The following KCNMA1 variants were observed in gnomAD, a reference collection of about 807,000 sequenced individuals.
KCNMA1 encodes potassium calcium-activated channel subfamily M alpha 1, also known as Calcium-activated potassium channel subunit alpha-1.
A neutral mutation model predicts 140.0 loss-of-function variants in KCNMA1; 29 were observed. That is an observed-to-expected ratio of 0.21 (90% CI 0.15 to 0.28). KCNMA1 has a LOEUF of 0.28. KCNMA1 is among the 10% of genes least tolerant of loss of function. KCNMA1 has a pLI of 1.00. For missense variants in KCNMA1, 880 were observed against 1,602.2 expected, an observed-to-expected ratio of 0.55 and a Z score of 7.70; for synonymous variants, 612 against 611.9, an observed-to-expected ratio of 1.00 and a Z score of 0.00.
intron 1 of KCNMA1, among the ~76,000 whole-genome samples, chr10:77,492,721 T>C (rs1407655451): frequency 6.6e-6 from 1 of 152,204 alleles, no homozygotes; most frequent in Non-Finnish European, 1.5e-5. Context: ...CCTGAGTTCC[T>C]GTAAAGATTA....
At chr10:77,337,552 G>T (rs910052676) in intron 2 of KCNMA1, among the ~76,000 whole-genome samples, 4 of 152,204 alleles carry the variant, frequency 2.6e-5, no homozygotes, top group African/African-American at 9.6e-5. Flanking sequence ...CCCGAGAGGC[G>T]GAGGTTGTAG....
Position 77,445,381 on chromosome 10 carries a change from C to A in KCNMA1, c.379-41358G>T, listed in dbSNP as rs568959644. Reference sequence around the variant, plus strand: ...ACATACACAGACACACACACACACACACACACACACACACATATGAAAAAT... The same window carrying A: ...ACATACACAGACACACACACACACAAACACACACACACACATATGAAAAAT... On this transcript the variant is annotated intron_variant, in intron 1 of 27. Coordinates refer to ENST00000286628, the MANE Select transcript of KCNMA1 (RefSeq NM_001161352.2). Among the ~76,000 whole-genome samples the A allele has an allele frequency of 1.4e-4, 21 of 149,224 alleles. No homozygotes were observed. In the East Asian group the frequency reaches 4.1e-3, roughly 29 times the overall value.
At chr10:77,603,466 A>AG (rs1176844069) in intron 1 of KCNMA1, among the ~76,000 whole-genome samples, 1 of 152,226 alleles carries the variant, frequency 6.6e-6, no homozygotes, top group Non-Finnish European at 1.5e-5. Flanking sequence ...ACAGGGAGAC[A>AG]GGTTCTGTGT....
chr10:77,046,760 G>T (rs1296132008), intron 14 of KCNMA1, among the ~76,000 whole-genome samples: 2 of 152,106 alleles, frequency 1.3e-5, no homozygotes, highest in Non-Finnish European at 2.9e-5. Context: ...TCGTTCTTCA[G>T]TATAATTGCA....
rs910357450 is a variant in KCNMA1, at chr10:76,887,118, C to T, written c.*148G>A. ...ATGGTGGTGAAATAAAAATGACAAC[C>T]ACATGCACACTATCATACATATGCA... On this transcript the variant is annotated 3_prime_UTR_variant, in exon 28 of 28. Transcript: ENST00000286628. 3.8e-6 allele frequency: 6 copies of T among 1,587,430 alleles called. No individual in the cohort carries two copies. The highest frequency in any genetic ancestry group is 5.1e-6 in the Non-Finnish European group (6 of 1,170,558).
rs144436118 is a variant in KCNMA1 at position 77,249,124 on chromosome 10, A to G, written c.602+2071T>C. On this transcript the variant is annotated intron_variant, in intron 3 of 27. Coordinates refer to ENST00000286628, the MANE Select transcript of KCNMA1 (RefSeq NM_001161352.2). ...GCAGAATGGGAATAGCCTTGTTTCT[A>G]ACCTTATGGGCATTTTTGCCAGGAA... is the stretch of plus-strand genomic sequence containing the variant. 7.2e-3 allele frequency among the ~76,000 whole-genome samples: 1,097 copies of G among 152,330 alleles called. 6 individuals are homozygous for G. Among genetic ancestry groups the G allele is most frequent in the Non-Finnish European group, 0.012 (810 of 68,024 alleles).
intron 3 of KCNMA1, among the ~76,000 whole-genome samples, chr10:77,215,849 A>G (rs903646937): frequency 6.6e-6 from 1 of 151,656 alleles, no homozygotes; most frequent in Non-Finnish European, 1.5e-5. Flanking sequence ...GATACCAGTG[A>G]GCAGTGAGCT....
At chr10:77,637,035 C>T in intron 1 of KCNMA1, 2 of 1,407,194 alleles carry the variant, frequency 1.4e-6, no homozygotes, top group African/African-American at 1.5e-5. Context: ...CAGGATTGAG[C>T]GTCCGCGTCC....
intron 22 of KCNMA1, among the ~76,000 whole-genome samples, chr10:76,945,713 T>G (rs537059052): frequency 6.6e-6 from 1 of 151,940 alleles, no homozygotes; most frequent in East Asian, 1.9e-4. Context: ...GAGCTGGCTC[T>G]CCATGCAGGC....
intron 20 of KCNMA1, among the ~76,000 whole-genome samples, chr10:76,964,798 C>T (rs1163315582): frequency 6.6e-6 from 1 of 152,188 alleles, no homozygotes; most frequent in African/African-American, 2.4e-5. Context: ...GTTTATTTCA[C>T]TTAATGACCA....
chr10:77,524,491 C>T (rs1036559656), intron 1 of KCNMA1, among the ~76,000 whole-genome samples: 67 of 152,202 alleles, frequency 4.4e-4, no homozygotes, highest in Admixed American at 5.2e-4. Context: ...ATATTCCCTT[C>T]TCCTCTGGGA....
intron 5 of KCNMA1, among the ~76,000 whole-genome samples, chr10:77,152,998 C>T (rs183945488): frequency 6.6e-6 from 1 of 152,280 alleles, no homozygotes; most frequent in East Asian, 1.9e-4. Context: ...TGGAGCCATG[C>T]ATCAGGTAGA....
At chr10:77,262,546 G>C (rs1381669725) in intron 2 of KCNMA1, among the ~76,000 whole-genome samples, 1 of 150,918 alleles carries the variant, frequency 6.6e-6, no homozygotes, top group Non-Finnish European at 1.5e-5. Flanking sequence ...ATGACCCCCA[G>C]TGTTGGAGGT....
intron 2 of KCNMA1, among the ~76,000 whole-genome samples, chr10:77,295,410 T>C (rs949825231): frequency 1.3e-5 from 2 of 151,796 alleles, no homozygotes; most frequent in African/African-American, 2.4e-5. Context: ...AAATTATACA[T>C]AGACACGCAT....
At chr10:76,931,902 C>A (rs555694734) in intron 23 of KCNMA1, among the ~76,000 whole-genome samples, 1 of 152,296 alleles carries the variant, frequency 6.6e-6, no homozygotes, top group Non-Finnish European at 1.5e-5. Flanking sequence ...ACAAACAGAT[C>A]AACAGTAATT....
Position 77,121,058 on chromosome 10 carries a change from A to C in KCNMA1, c.809-10T>G. ...CTTAAAAATCTCAAACCTGGAAAAAAGAATGAAATAGAGATGCATTATTTT... is the reference window on the plus strand; with the variant it reads ...CTTAAAAATCTCAAACCTGGAAAAACGAATGAAATAGAGATGCATTATTTT... On this transcript the variant is annotated splice_polypyrimidine_tract_variant and intron_variant, in intron 5 of 27. Transcript: ENST00000286628. 6.7e-7 allele frequency: 1 copy of C among 1,495,930 alleles called. No individual in the cohort carries two copies. 92.7% of individuals were successfully genotyped at this position (1,495,930 alleles called of 1,614,324 possible). A position where few individuals can be genotyped will look rare whatever the true frequency, so the allele number is the denominator to read the frequency against.
At chr10:77,584,763 G>A (rs750162241) in intron 1 of KCNMA1, among the ~76,000 whole-genome samples, 36 of 152,296 alleles carry the variant, frequency 2.4e-4, no homozygotes, top group Non-Finnish European at 4.1e-4. Flanking sequence ...AGTGAGCTGG[G>A]AGAAGGCCTG....
intron 1 of KCNMA1, among the ~76,000 whole-genome samples, chr10:77,502,252 T>C (rs922925524): frequency 2.6e-5 from 4 of 152,352 alleles, no homozygotes; most frequent in African/African-American, 9.6e-5. Flanking sequence ...CAGAAATGCC[T>C]TTTCTTCATA....
At chr10:77,081,702 T>C (rs573468443) in intron 12 of KCNMA1, among the ~76,000 whole-genome samples, 1 of 152,290 alleles carries the variant, frequency 6.6e-6, no homozygotes, top group African/African-American at 2.4e-5. Flanking sequence ...TGAAAAAGTG[T>C]TGCGTTGGCC....
Sources: allele counts gnomAD v4.1 joint callset (sites outside exome capture counted in the v4.1 genomes callset), GRCh38; gene constraint gnomAD v4.1.1; transcripts MANE v1.5; gene names NCBI Gene and HGNC (gene_info 2026-07-23, HGNC 2026-07-21).